PDCD6IP: variants seen among roughly 807,000 people sequenced by gnomAD.
PDCD6IP encodes the protein programmed cell death 6 interacting protein.
Under a neutral mutation model 103.7 loss-of-function variants are expected in PDCD6IP, and 43 were observed. The observed-to-expected ratio is 0.41, with a 90% CI of 0.32 to 0.53. The LOEUF is 0.53. Ranked by LOEUF, PDCD6IP falls within the 20% of genes least tolerant of loss-of-function variation. The probability of loss-of-function intolerance (pLI) is 0.16; values close to 1 mark genes in which losing one functional copy is unlikely to be tolerated. For synonymous variants in PDCD6IP, 354 were observed against 378.7 expected (o/e 0.93, Z 0.76); for missense variants, 871 against 1,036.7 (o/e 0.84, Z 2.20).
At position 33,829,704 on chromosome 3, in the gene PDCD6IP, G is replaced by A. The variant is rs140890070; in HGVS notation, c.834+735G>A. ...AAGATGACTTATGGCATTTGAGTTA[G>A]GGAAGTTTAAATATGTACTGATTTT... On this transcript the variant is annotated intron_variant, in intron 7 of 17. Transcript: ENST00000307296. Among the ~76,000 whole-genome samples the A allele has an allele frequency of 5.8e-3, 890 of 152,238 alleles. 2 individuals are homozygous for A. Among genetic ancestry groups the A allele is most frequent in the Middle Eastern group, 0.017 (5 of 294 alleles).
chr3:33,853,125 A>T (rs1454577241), intron 13 of PDCD6IP, among the ~76,000 whole-genome samples: 1 of 152,072 alleles, frequency 6.6e-6, no homozygotes, highest in Non-Finnish European at 1.5e-5. Context: ...GGGTTTCACC[A>T]TGTTAGCCAG....
chr3:33,865,594 A>T lies in PDCD6IP; in HGVS notation c.2432+164A>T, dbSNP rs191401486. ...TGAAAATAATGTTATGGTCACTTAC[A>T]TGAATAGGATAGCTATTTCCTAGGC... On this transcript the variant is annotated intron_variant, in intron 17 of 17. Coordinates refer to ENST00000307296, the MANE Select transcript of PDCD6IP (RefSeq NM_013374.6). Among the ~76,000 whole-genome samples, 160 of 152,362 alleles carry T rather than the reference A, an allele frequency of 1.1e-3. 1 individual carries two copies. The highest frequency in any genetic ancestry group is 3.4e-3 in the African/African-American group (142 of 41,578).
chr3:33,818,040 G>A (rs1232871511), intron 3 of PDCD6IP, among the ~76,000 whole-genome samples: 2 of 145,824 alleles, frequency 1.4e-5, no homozygotes, highest in Non-Finnish European at 3.0e-5. Context: ...ACTGAGATAT[G>A]TATCCAATAT....
chr3:33,817,553 A>G (rs1696881858), intron 3 of PDCD6IP, among the ~76,000 whole-genome samples: 1 of 152,122 alleles, frequency 6.6e-6, no homozygotes, highest in South Asian at 2.1e-4. Context: ...CAGGAGTACA[A>G]GACCAGCTTG....
chr3:33,804,370 C>G (rs894705704), intron 1 of PDCD6IP, among the ~76,000 whole-genome samples: 2 of 152,180 alleles, frequency 1.3e-5, no homozygotes, highest in South Asian at 2.1e-4. Context: ...ACCTGGCTGT[C>G]TCAATATTGA....
At chr3:33,833,308 T>C (rs528198816) in intron 7 of PDCD6IP, among the ~76,000 whole-genome samples, 1 of 152,184 alleles carries the variant, frequency 6.6e-6, no homozygotes, top group Non-Finnish European at 1.5e-5. Flanking sequence ...TCTTGGTTTG[T>C]TCAAATCAGG....
At chr3:33,842,502 A>G (rs1697497292) in intron 10 of PDCD6IP, among the ~76,000 whole-genome samples, 1 of 151,240 alleles carries the variant, frequency 6.6e-6, no homozygotes. Context: ...TATTTGTTTT[A>G]TATTATTTAT....
At chr3:33,818,874 TA>T (rs1399021384) in intron 3 of PDCD6IP, among the ~76,000 whole-genome samples, 1 of 152,182 alleles carries the variant, frequency 6.6e-6, no homozygotes, top group Non-Finnish European at 1.5e-5. Context: ...TTTGTTATTT[TA>T]TAAGTGATCT....
rs758685492 is a variant in PDCD6IP, at chr3:33,852,719, C to G, written c.1873C>G (p.Leu625Val). ...AGAATCTCTAAAGAAACAGGAGGGA[C>G]TTCTTAAAAATATTCAGGTGAAATT... Reference protein sequence around the residue: ...VQESLKKQEGLLKNIQVSHQE... With the variant: ...VQESLKKQEGVLKNIQVSHQE... Residue 625 changes from leucine to valine, a missense_variant, in exon 13 of 18, where the codon CTT becomes GTT. Leu to Val is a conservative substitution (Grantham distance 32). Coordinates refer to ENST00000307296, the MANE Select transcript of PDCD6IP (RefSeq NM_013374.6). 4.4e-6 allele frequency: 7 copies of G among 1,580,036 alleles called. No individual in the cohort carries two copies. The African/African-American group carries it at 8.3e-5, about 19-fold the overall frequency.
Position 33,865,404 on chromosome 3 carries a change from C to T in PDCD6IP, c.2406C>T (p.Pro802=), listed in dbSNP as rs752088493. The part of the protein sequence containing the change: ...SAPPPQAQGP[P]YPTYPGYPGY... ...CTCCTCCACAGGCGCAGGGACCACC[C>T]TATCCCACCTATCCAGGATATCCTG... Residue 802 remains proline, a synonymous_variant, in exon 17 of 18, where the codon CCC becomes CCT. Transcript: ENST00000307296. The T allele has an allele frequency of 8.2e-6, 13 of 1,594,240 alleles. No individual in the cohort carries two copies. The highest frequency in any genetic ancestry group is 1.4e-5 in the African/African-American group (1 of 73,256).
intron 1 of PDCD6IP, 127 bp from the exon 2 acceptor site, chr3:33,811,945 T>C: frequency 2.3e-6 from 3 of 1,305,836 alleles, no homozygotes; most frequent in Non-Finnish European, 3.0e-6. Context: ...TAAAAAACTT[T>C]TTTTCATATA....
intron 15 of PDCD6IP, among the ~76,000 whole-genome samples, chr3:33,863,253 T>C (rs1286242875): frequency 1.3e-5 from 2 of 152,214 alleles, no homozygotes; most frequent in African/African-American, 4.8e-5. Context: ...AGGATATTCA[T>C]CTCAAACGTT....
At chr3:33,817,455 G>A (rs9879026) in intron 3 of PDCD6IP, among the ~76,000 whole-genome samples, 150,733 of 152,350 alleles carry the variant, frequency 0.99, 74,584 homozygotes, top group Middle Eastern at 1. Flanking sequence ...AGTTATTTTC[G>A]TTTTGAAAAA....
At chr3:33,802,838 C>A (rs1206531749) in intron 1 of PDCD6IP, among the ~76,000 whole-genome samples, 1 of 152,142 alleles carries the variant, frequency 6.6e-6, no homozygotes, top group Non-Finnish European at 1.5e-5. Context: ...AGTAGAGGAT[C>A]TGGGAGCCTG....
Position 33,864,093 on chromosome 3 carries a change from A to T in PDCD6IP, c.2208A>T (p.Ala736=). 1 of 1,612,600 alleles carries T rather than the reference A, an allele frequency of 6.2e-7. No individual in the cohort carries two copies. Among genetic ancestry groups the T allele is most frequent in the Non-Finnish European group, 8.5e-7 (1 of 1,178,592 alleles). The change falls in exon 16 of 18, where the codon GCA becomes GCT. Residue 736 remains alanine, a synonymous_variant. Transcript: ENST00000307296. ...AGTCCTCACCAGCAGGAGGACATGCACCAACTCCTCCAACTCCAGCGCCAA... is the reference window on the plus strand; with the variant it reads ...AGTCCTCACCAGCAGGAGGACATGCTCCAACTCCTCCAACTCCAGCGCCAA... ...AYQSSPAGGH[A]PTPPTPAPRT... is the part of the protein sequence containing the mutation.
At chr3:33,860,699 GTA>G (rs1430047927) in intron 15 of PDCD6IP, among the ~76,000 whole-genome samples, 1 of 152,138 alleles carries the variant, frequency 6.6e-6, no homozygotes, top group Non-Finnish European at 1.5e-5. Flanking sequence ...AGATTCATCA[GTA>G]TAGTTGTGTG....
At chr3:33,807,690 G>T (rs9854285) in intron 1 of PDCD6IP, among the ~76,000 whole-genome samples, 41,800 of 152,046 alleles carry the variant, frequency 0.27, 6,023 homozygotes, top group East Asian at 0.39. Context: ...TTTCTTTGGA[G>T]AATGTCTCCA....
At chr3:33,813,901 C>T (rs551721182) in intron 3 of PDCD6IP, among the ~76,000 whole-genome samples, 1 of 152,158 alleles carries the variant, frequency 6.6e-6, no homozygotes, top group East Asian at 1.9e-4. Flanking sequence ...TATGTAATAG[C>T]CTATGAACAA....
At chr3:33,814,141 A>T (rs1204902996) in intron 3 of PDCD6IP, among the ~76,000 whole-genome samples, 1 of 143,568 alleles carries the variant, frequency 7.0e-6, no homozygotes, top group Non-Finnish European at 1.5e-5. Flanking sequence ...CTCTCATTGG[A>T]TTCTTTTTTT....
Sources: gnomAD v4.1 joint callset for allele counts (sites outside exome capture counted in the v4.1 genomes callset) on GRCh38, gnomAD v4.1.1 for gene constraint, MANE v1.5 for transcripts, NCBI Gene and HGNC (gene_info 2026-07-23, HGNC 2026-07-21) for gene names.